Variants in UBE2E2 observed in about 807,000 individuals in gnomAD.
UBE2E2 encodes ubiquitin conjugating enzyme E2 E2.
UBE2E2 carries 6 observed loss-of-function variants against 24.7 expected under a neutral mutation model. That is an observed-to-expected ratio of 0.24 (90% CI 0.13 to 0.48). UBE2E2 has a LOEUF of 0.48. UBE2E2 is among the 20% of genes least tolerant of loss of function. UBE2E2 has a pLI of 0.99. For synonymous variants in UBE2E2, 104 were observed against 83.6 expected, an observed-to-expected ratio of 1.24 and a Z score of -1.33; for missense variants, 169 against 245.0, an observed-to-expected ratio of 0.69 and a Z score of 2.07.
chr3:23,300,054 CTT>C (rs202148787), intron 3 of UBE2E2, among the ~76,000 whole-genome samples: 11,234 of 152,034 alleles, frequency 0.074, 518 homozygotes, highest in Non-Finnish European at 0.092. Context: ...TTCTTTGTCT[CTT>C]TTGATCTTTG....
intron 3 of UBE2E2, among the ~76,000 whole-genome samples, chr3:23,339,514 A>G (rs1475545234): frequency 6.6e-6 from 1 of 152,124 alleles, no homozygotes; most frequent in Non-Finnish European, 1.5e-5. Context: ...TTCTTTGTGT[A>G]ATGCTTTGTA....
At chr3:23,494,391 A>G (rs566128905) in intron 3 of UBE2E2, among the ~76,000 whole-genome samples, 1 of 152,330 alleles carries the variant, frequency 6.6e-6, no homozygotes, top group East Asian at 1.9e-4. Flanking sequence ...TAATAGGTAA[A>G]TAGTAATTAT....
At chr3:23,505,206 C>A (rs1231977310) in intron 4 of UBE2E2, among the ~76,000 whole-genome samples, 1 of 151,488 alleles carries the variant, frequency 6.6e-6, no homozygotes, top group Non-Finnish European at 1.5e-5. Context: ...CAGGCATGAG[C>A]CACCGCCGCC....
intron 3 of UBE2E2, among the ~76,000 whole-genome samples, chr3:23,401,983 A>T (rs967122575): frequency 1.3e-5 from 2 of 151,034 alleles, no homozygotes; most frequent in Non-Finnish European, 2.9e-5. Flanking sequence ...CAGCCTCCCG[A>T]ATAGCTGGGA....
chr3:23,215,412 T>C (rs1696448956), intron 2 of UBE2E2, among the ~76,000 whole-genome samples: 1 of 152,152 alleles, frequency 6.6e-6, no homozygotes, highest in Non-Finnish European at 1.5e-5. Context: ...CAATGAGTCA[T>C]AGCATTGAGG....
intron 3 of UBE2E2, among the ~76,000 whole-genome samples, chr3:23,486,168 C>T (rs1699365278): frequency 6.6e-6 from 1 of 152,190 alleles, no homozygotes; most frequent in Non-Finnish European, 1.5e-5. Context: ...AGTGAGCAAT[C>T]ATGAGGTCTG....
At chr3:23,548,223 A>G (rs1200808620) in intron 5 of UBE2E2, among the ~76,000 whole-genome samples, 1 of 152,194 alleles carries the variant, frequency 6.6e-6, no homozygotes, top group Non-Finnish European at 1.5e-5. Flanking sequence ...AACCTACACC[A>G]TCTTTCACAA....
rs1696780113 is a variant in UBE2E2, at chr3:23,385,219, C to G, written c.228-114389C>G. On this transcript the variant is annotated intron_variant, in intron 3 of 5. Coordinates refer to ENST00000396703, the MANE Select transcript of UBE2E2 (RefSeq NM_152653.4). ...CAACTGTTATTTACACCTTCTTTCC[C>G]TGTTTGCAAGCGATTGTTTTAGGAT... Among the ~76,000 whole-genome samples the G allele has an allele frequency of 2.0e-5, 3 of 152,160 alleles. No homozygotes were observed. The South Asian group carries it at 6.2e-4, about 32-fold the overall frequency.
chr3:23,555,543 A>T (rs1206558983), intron 5 of UBE2E2, among the ~76,000 whole-genome samples: 4 of 152,328 alleles, frequency 2.6e-5, no homozygotes, highest in African/African-American at 9.6e-5. Context: ...ATACCACCTC[A>T]TATAGATACC....
chr3:23,257,660 C>T (rs1374198042), intron 3 of UBE2E2, among the ~76,000 whole-genome samples: 8 of 151,074 alleles, frequency 5.3e-5, no homozygotes, highest in Admixed American at 1.3e-4. Flanking sequence ...CACAGGCCAC[C>T]ATGGCTGGTT....
intron 5 of UBE2E2, among the ~76,000 whole-genome samples, chr3:23,540,726 A>C (rs1207061175): frequency 6.6e-6 from 1 of 151,998 alleles, no homozygotes; most frequent in Admixed American, 6.6e-5. Context: ...TTAAAAAAAT[A>C]GAGAGAGAGA....
intron 4 of UBE2E2, among the ~76,000 whole-genome samples, chr3:23,526,982 T>G (rs1352960972): frequency 6.6e-6 from 1 of 152,178 alleles, no homozygotes. Flanking sequence ...TCAACAAAAT[T>G]TATTAAAATT....
chr3:23,213,691 C>T (rs1287534303), intron 2 of UBE2E2, among the ~76,000 whole-genome samples: 4 of 152,052 alleles, frequency 2.6e-5, no homozygotes, highest in Non-Finnish European at 4.4e-5. Context: ...GGGAAGTCTT[C>T]TTGTTTGACT....
rs144299016 is a variant in UBE2E2, at chr3:23,266,653, A to C, written c.227+49341A>C. ...GCTCTTCTCGAGGAGTATCTTTCAG[A>C]AAGTTAAGAAGGATACCCAGGAATT... On this transcript the variant is annotated intron_variant, in intron 3 of 5. Transcript: ENST00000396703. 5.1e-3 allele frequency among the ~76,000 whole-genome samples: 779 copies of C among 152,132 alleles called. 6 individuals are homozygous for C. The highest frequency in any genetic ancestry group is 0.018 in the African/African-American group (744 of 41,474).
intron 3 of UBE2E2, among the ~76,000 whole-genome samples, chr3:23,272,629 A>G (rs2125364577): frequency 6.6e-6 from 1 of 152,340 alleles, no homozygotes; most frequent in East Asian, 1.9e-4. Context: ...TGTGTTAGTC[A>G]TAGTTCTACA....
chr3:23,256,771 C>G (rs567702129), intron 3 of UBE2E2, among the ~76,000 whole-genome samples: 1 of 152,308 alleles, frequency 6.6e-6, no homozygotes, highest in East Asian at 1.9e-4. Flanking sequence ...ATCTACTTAT[C>G]TCTAAGGCCT....
intron 3 of UBE2E2, among the ~76,000 whole-genome samples, chr3:23,377,126 A>G (rs998106401): frequency 6.6e-5 from 10 of 152,164 alleles, no homozygotes; most frequent in South Asian, 6.2e-4. Flanking sequence ...GCTGACTGGC[A>G]TTGGGTCCGT....
At chr3:23,506,340 C>G (rs1422618982) in intron 4 of UBE2E2, among the ~76,000 whole-genome samples, 1 of 152,208 alleles carries the variant, frequency 6.6e-6, no homozygotes, top group African/African-American at 2.4e-5. Context: ...TTATTGATTA[C>G]CCCATTCTAC....
intron 3 of UBE2E2, among the ~76,000 whole-genome samples, chr3:23,393,416 G>T (rs1697000023): frequency 6.6e-6 from 1 of 152,152 alleles, no homozygotes; most frequent in Admixed American, 6.6e-5. Context: ...TCAAGATGTG[G>T]TCGCTGGACC....
Sources: gnomAD v4.1 joint callset for allele counts (sites outside exome capture counted in the v4.1 genomes callset) on GRCh38, gnomAD v4.1.1 for gene constraint, MANE v1.5 for transcripts, NCBI Gene and HGNC (gene_info 2026-07-23, HGNC 2026-07-21) for gene names.